The following ELFN2 variants were observed in gnomAD, a reference collection of about 807,000 sequenced individuals.
ELFN2 encodes extracellular leucine rich repeat and fibronectin type III domain containing 2, also known as protein phosphatase 1 regulatory subunit 29.
In ELFN2, 17 loss-of-function variants were observed where a neutral mutation model predicts 45.5. The observed-to-expected ratio is 0.37, with a 90% CI of 0.26 to 0.56. The LOEUF is 0.56. Ranked by LOEUF, ELFN2 falls within the 20% of genes least tolerant of loss-of-function variation. The pLI, the probability that ELFN2 is intolerant of heterozygous loss-of-function variation, is 0.77. For synonymous variants in ELFN2, 550 were observed against 551.5 expected (o/e 1.00, Z 0.04); for missense variants, 922 against 1,183.2 (o/e 0.78, Z 3.24).
chr22:37,353,298 C>T (rs1037564474), intron 1 of ELFN2: 4 of 150,988 alleles, frequency 2.6e-5, no homozygotes, highest in Admixed American at 2.6e-4. Context: ...GGGTCTAGTC[C>T]AATCGAGTTA....
intron 1 of ELFN2, among the ~76,000 whole-genome samples, chr22:37,355,276 T>C (rs767297050): frequency 1.1e-4 from 16 of 152,224 alleles, no homozygotes; most frequent in Non-Finnish European, 1.8e-4. Flanking sequence ...GGGTGAGCAC[T>C]GGCCGTTTGC....
intron 2 of ELFN2, among the ~76,000 whole-genome samples, chr22:37,342,096 A>G (rs1930571787): frequency 6.6e-6 from 1 of 151,980 alleles, no homozygotes; most frequent in Non-Finnish European, 1.5e-5. Flanking sequence ...CCACACCTCC[A>G]TGCATTCTTT....
intron 1 of ELFN2, among the ~76,000 whole-genome samples, chr22:37,357,424 C>T (rs1226188500): frequency 1.3e-5 from 2 of 152,210 alleles, no homozygotes; most frequent in Non-Finnish European, 2.9e-5. Context: ...AGTATCTTTG[C>T]ATAGGTTTCT....
intron 2 of ELFN2, among the ~76,000 whole-genome samples, chr22:37,396,351 C>T (rs74328765): frequency 0.013 from 2,020 of 152,298 alleles, 38 homozygotes; most frequent in African/African-American, 0.046. Flanking sequence ...ACCATGTCCC[C>T]GGCCCCCAAC....
At chr22:37,356,331 G>T (rs978759964) in intron 1 of ELFN2, among the ~76,000 whole-genome samples, 1 of 152,164 alleles carries the variant, frequency 6.6e-6, no homozygotes, top group Non-Finnish European at 1.5e-5. Flanking sequence ...ACCCCAGAGG[G>T]TCTACAGCAT....
intron 2 of ELFN2, among the ~76,000 whole-genome samples, chr22:37,388,189 G>A (rs73166407): frequency 6.6e-6 from 1 of 151,682 alleles, no homozygotes; most frequent in Non-Finnish European, 1.5e-5. Flanking sequence ...TCGTTGGCTC[G>A]GGCTGATCTG....
chr22:37,369,843 C>T lies in ELFN2; in HGVS notation c.*3229G>A, dbSNP rs140601851. ...TCCATCTCCCCTCCCTCCCTGTGGC[C>T]CCCCCTGCCCTCTTTTCCTGGTGTC... On this transcript the variant is annotated 3_prime_UTR_variant, in exon 3 of 3. Coordinates refer to ENST00000402918, the MANE Select transcript of ELFN2 (RefSeq NM_052906.5). 6.5e-3 allele frequency: 988 copies of T among 153,070 alleles called. 4 individuals carry two copies. The highest frequency in any genetic ancestry group is 0.016 in the Middle Eastern group (5 of 318). The allele number at this position is 153,070 out of a possible 1,614,324, so 9.5% of individuals were successfully genotyped here. A position where few individuals can be genotyped will look rare whatever the true frequency, so the allele number is the denominator to read the frequency against.
intron 2 of ELFN2, among the ~76,000 whole-genome samples, chr22:37,386,720 G>A (rs749257151): frequency 7.2e-5 from 11 of 152,158 alleles, no homozygotes; most frequent in Non-Finnish European, 1.3e-4. Flanking sequence ...GCCGCCGGCT[G>A]GGCAGAAACC....
At chr22:37,359,565 G>A (rs975600860) in intron 1 of ELFN2, among the ~76,000 whole-genome samples, 5 of 152,222 alleles carry the variant, frequency 3.3e-5, no homozygotes, top group East Asian at 1.9e-4. Context: ...GCCAGGCCAC[G>A]GTATGAACGC....
In ELFN2 at chr22:37,372,919, G is replaced by GGTGTGTGT; in HGVS notation, c.*145_*152dup. The GGTGTGTGT allele has an allele frequency of 1.3e-6, 1 of 747,582 alleles. No homozygotes were observed. The highest frequency in any genetic ancestry group is 2.7e-5 in the East Asian group (1 of 36,494). 46.3% of individuals were successfully genotyped at this position (747,582 alleles called of 1,614,324 possible). The stretch of plus-strand genomic sequence containing the variant: ...TTTGTTCACAGTCGGGTGGTGGTCA[G>GGTGTGTGT]GTGTGTGTGTGCGTGCGTGCGTGCG... On this transcript the variant is annotated 3_prime_UTR_variant, in exon 3 of 3. Transcript: ENST00000402918. This position sits in a 1 kb window ranked among gnomAD's most constrained non-coding sequence, Gnocchi z 4.4.
chr22:37,413,096 C>T (rs1053006840), intron 2 of ELFN2, among the ~76,000 whole-genome samples: 4 of 152,120 alleles, frequency 2.6e-5, no homozygotes, highest in Non-Finnish European at 5.9e-5. Context: ...TGGCCACAGA[C>T]GGGGTGAGGT....
intron 1 of ELFN2, among the ~76,000 whole-genome samples, chr22:37,356,367 A>G (rs1237308916): frequency 2.0e-5 from 3 of 152,174 alleles, no homozygotes; most frequent in Non-Finnish European, 4.4e-5. Flanking sequence ...CCCGGGGAAG[A>G]GTAACACAGG....
Position 37,343,355 on chromosome 22 carries a change from G to A in ELFN2, n.149-652C>T, listed in dbSNP as rs541570379. On this transcript the variant is annotated intron_variant and non_coding_transcript_variant, in intron 1 of 2. Transcript: ENST00000452946. ...GGCTTTGGAACAACCTGCCCTCCCTGAGCCTCAGTTTCCCCACCTAGAGAT... is the reference window on the plus strand; with the variant it reads ...GGCTTTGGAACAACCTGCCCTCCCTAAGCCTCAGTTTCCCCACCTAGAGAT... 4.6e-5 allele frequency among the ~76,000 whole-genome samples: 7 copies of A among 152,180 alleles called. No individual in the cohort carries two copies. In the South Asian group the frequency reaches 1.5e-3, roughly 32 times the overall value.
intron 1 of ELFN2, among the ~76,000 whole-genome samples, chr22:37,361,361 T>C (rs1931082281): frequency 7.0e-6 from 1 of 142,896 alleles, no homozygotes; most frequent in South Asian, 2.5e-4. Context: ...CTGCCCTCCA[T>C]GAGTTGCCAG....
In ELFN2 at chr22:37,371,110, CAA is replaced by C. The variant is rs879229118; in HGVS notation, c.*1960_*1961del. On this transcript the variant is annotated 3_prime_UTR_variant, in exon 3 of 3. Coordinates refer to ENST00000402918, the MANE Select transcript of ELFN2 (RefSeq NM_052906.5). The surrounding 1 kb of genome is among the most constrained non-coding windows in gnomAD (Gnocchi z 6.4). ...AGTGAGCCCTGGGCTTCGTTAACCC[CAA>C]AGTTGGTGTGAGAGAGGTACTCAGC... 6.6e-6 allele frequency: 1 copy of C among 152,564 alleles called. No individual in the cohort carries two copies. The highest frequency in any genetic ancestry group is 2.1e-4 in the South Asian group (1 of 4,826). 9.5% of individuals were successfully genotyped at this position (152,564 alleles called of 1,614,324 possible). A position where few individuals can be genotyped will look rare whatever the true frequency, so the allele number is the denominator to read the frequency against.
At position 37,373,221 on chromosome 22, in the gene ELFN2, G is replaced by A. The variant is rs750812504; in HGVS notation, c.2314C>T (p.Arg772Cys). ...TGGTGCTTCTTGTAGGGCCGGAAGCGCTCCCAGATCTTGTGCGTGCTCTCG... is the reference window on the plus strand; with the variant it reads ...TGGTGCTTCTTGTAGGGCCGGAAGCACTCCCAGATCTTGTGCGTGCTCTCG... Reference protein sequence around the residue: ...SSESTHKIWERFRPYKKHHRE... With the variant: ...SSESTHKIWECFRPYKKHHRE... The change falls in exon 3 of 3, where the codon CGC becomes TGC. Residue 772 changes from arginine (R) to cysteine (C), a missense_variant. Coordinates refer to ENST00000402918, the MANE Select transcript of ELFN2 (RefSeq NM_052906.5). 1.9e-6 allele frequency: 3 copies of A among 1,613,818 alleles called. No individual in the cohort carries two copies. Among genetic ancestry groups the A allele is most frequent in the Non-Finnish European group, 2.5e-6 (3 of 1,179,988 alleles).
rs1296590342 is a variant in ELFN2, at chr22:37,370,945, G to C, written c.*2127C>G. 1 of 148,132 alleles carries C rather than the reference G, an allele frequency of 6.8e-6. No homozygotes were observed. Among genetic ancestry groups the C allele is most frequent in the Non-Finnish European group, 1.5e-5 (1 of 67,278 alleles). 9.2% of individuals were successfully genotyped at this position (148,132 alleles called of 1,614,324 possible). On this transcript the variant is annotated 3_prime_UTR_variant, in exon 3 of 3. Coordinates refer to ENST00000402918, the MANE Select transcript of ELFN2 (RefSeq NM_052906.5). ...CTTCTCTGCCTGCTTGCTTTTCTCA[G>C]TTGTGCCAAGGGGGTGTGAGGAGGG... is the stretch of plus-strand genomic sequence containing the variant.
chr22:37,380,673 A>G (rs1931733885), intron 2 of ELFN2, among the ~76,000 whole-genome samples: 1 of 152,110 alleles, frequency 6.6e-6, no homozygotes, highest in South Asian at 2.1e-4. Flanking sequence ...CATCCGTGTC[A>G]TTGCCATTAC....
intron 2 of ELFN2, among the ~76,000 whole-genome samples, chr22:37,402,372 C>T (rs1026331792): frequency 1.3e-5 from 2 of 152,196 alleles, no homozygotes; most frequent in Admixed American, 1.3e-4. Flanking sequence ...CCAAACTGAC[C>T]GCTGGAGTTT....
Sources: gnomAD v4.1 joint callset for allele counts (sites outside exome capture counted in the v4.1 genomes callset) on GRCh38, gnomAD v4.1.1 for gene constraint, Gnocchi (gnomAD v3.1) non-coding constraint, MANE v1.5 for transcripts, NCBI Gene and HGNC (gene_info 2026-07-23, HGNC 2026-07-21) for gene names.